The following GALNT13 variants were observed in gnomAD, a reference collection of about 807,000 sequenced individuals.
GALNT13 encodes the protein polypeptide N-acetylgalactosaminyltransferase 13, also known as UDP-GalNAc:polypeptide N-acetylgalactosaminyltransferase 13.
Under a neutral mutation model 64.2 loss-of-function variants are expected in GALNT13, and 28 were observed. The ratio of observed to expected loss-of-function variants is 0.44; its 90% CI spans 0.32 to 0.60. The LOEUF is 0.60. GALNT13 is among the 20% of genes least tolerant of loss of function. GALNT13 has a pLI of 0.05. For missense variants in GALNT13, 577 were observed against 669.8 expected (o/e 0.86, Z 1.53); for synonymous variants, 214 against 224.6 (o/e 0.95, Z 0.42).
intron 3 of GALNT13, among the ~76,000 whole-genome samples, chr2:153,988,783 T>G (rs1343442278): frequency 6.6e-6 from 1 of 151,986 alleles, no homozygotes; most frequent in East Asian, 1.9e-4. Context: ...AAGTGACATA[T>G]TTTTAAGTCT....
At chr2:153,160,365 A>G in the GALNT13 span, among the ~76,000 whole-genome samples, 22,300 of 152,240 alleles carry the variant, frequency 0.15, 1,716 homozygotes, top group African/African-American at 0.16. Flanking sequence ...ACTCTATTTC[A>G]TGTGAAAATT....
At chr2:153,285,992 G>A in the GALNT13 span, among the ~76,000 whole-genome samples, 17 of 152,172 alleles carry the variant, frequency 1.1e-4, no homozygotes, top group South Asian at 2.5e-3. Flanking sequence ...GTTGCAAATG[G>A]TAGGATGTTT....
chr2:153,909,841 T>C (rs1688822092), intron 2 of GALNT13, among the ~76,000 whole-genome samples: 1 of 152,190 alleles, frequency 6.6e-6, no homozygotes, highest in Non-Finnish European at 1.5e-5. Flanking sequence ...TGGTATTTTG[T>C]TGAGGATTTT....
chr2:153,154,031 T>C, the GALNT13 span, among the ~76,000 whole-genome samples: 1 of 152,176 alleles, frequency 6.6e-6, no homozygotes, highest in Admixed American at 6.6e-5. Context: ...TCCAAGAGCA[T>C]GGAATGTTTT....
the GALNT13 span, among the ~76,000 whole-genome samples, chr2:153,349,708 G>A: frequency 6.6e-6 from 1 of 152,006 alleles, no homozygotes; most frequent in African/African-American, 2.4e-5. Flanking sequence ...AGTTTTACCT[G>A]CCACAATGCT....
At chr2:153,342,152 A>T in the GALNT13 span, among the ~76,000 whole-genome samples, 1 of 152,224 alleles carries the variant, frequency 6.6e-6, no homozygotes, top group Non-Finnish European at 1.5e-5. Flanking sequence ...GAGCAGACAC[A>T]GTGAAGCTTT....
At chr2:153,619,495 C>T in the GALNT13 span, among the ~76,000 whole-genome samples, 2 of 152,026 alleles carry the variant, frequency 1.3e-5, no homozygotes, top group Non-Finnish European at 2.9e-5. Context: ...TGTGTATTTA[C>T]TATTACCAGT....
the GALNT13 span, among the ~76,000 whole-genome samples, chr2:153,556,954 T>G: frequency 2.6e-5 from 4 of 152,162 alleles, no homozygotes; most frequent in African/African-American, 9.7e-5. Context: ...CAATAAGATA[T>G]CCTAAATTCA....
At chr2:154,332,857 A>G (rs887496584) in intron 9 of GALNT13, among the ~76,000 whole-genome samples, 1 of 152,160 alleles carries the variant, frequency 6.6e-6, no homozygotes, top group Non-Finnish European at 1.5e-5. Context: ...CTATCTTCTC[A>G]TGTACATATT....
At chr2:153,296,917 T>C in the GALNT13 span, among the ~76,000 whole-genome samples, 2 of 152,238 alleles carry the variant, frequency 1.3e-5, no homozygotes, top group African/African-American at 4.8e-5. Flanking sequence ...ATGTTTCCCA[T>C]AGGATCACAT....
At chr2:154,150,566 T>C (rs972632529) in intron 4 of GALNT13, among the ~76,000 whole-genome samples, 9 of 152,098 alleles carry the variant, frequency 5.9e-5, no homozygotes, top group Non-Finnish European at 1.2e-4. Context: ...TCCTGGACTC[T>C]TTTTGGTTGG....
chr2:153,838,036 T>C, the GALNT13 span, among the ~76,000 whole-genome samples: 1 of 152,122 alleles, frequency 6.6e-6, no homozygotes, highest in South Asian at 2.1e-4. Context: ...CCTTTTCATA[T>C]ACATGTTGGA....
chr2:153,137,766 C>T, the GALNT13 span, among the ~76,000 whole-genome samples: 2 of 150,870 alleles, frequency 1.3e-5, no homozygotes, highest in Non-Finnish European at 3.0e-5. Flanking sequence ...ACCTACTTGT[C>T]TTTTTCTAGG....
At chr2:154,184,793 AT>A (rs564115683) in intron 4 of GALNT13, among the ~76,000 whole-genome samples, 13 of 152,082 alleles carry the variant, frequency 8.5e-5, no homozygotes, top group Non-Finnish European at 1.9e-4. Context: ...AAACCTTTAC[AT>A]TTTTTCATAT....
chr2:153,520,458 A>G, the GALNT13 span, among the ~76,000 whole-genome samples: 4 of 152,316 alleles, frequency 2.6e-5, no homozygotes, highest in South Asian at 2.1e-4. Flanking sequence ...TGTTGGCTTC[A>G]TTGAGAATCT....
the GALNT13 span, among the ~76,000 whole-genome samples, chr2:153,864,209 C>T: frequency 6.6e-6 from 1 of 152,134 alleles, no homozygotes; most frequent in Admixed American, 6.6e-5. Flanking sequence ...TGATTTGTTG[C>T]TCTCCGTGGT....
the GALNT13 span, among the ~76,000 whole-genome samples, chr2:153,635,532 G>A: frequency 6.6e-6 from 1 of 151,370 alleles, no homozygotes; most frequent in Non-Finnish European, 1.5e-5. Context: ...ATGACTGTAA[G>A]AAATTTTGTG....
At chr2:153,732,636 C>T in the GALNT13 span, among the ~76,000 whole-genome samples, 1 of 151,948 alleles carries the variant, frequency 6.6e-6, no homozygotes, top group Admixed American at 6.6e-5. Flanking sequence ...CATATAATTT[C>T]AAGTATAAAC....
At chr2:154,063,862 G>A (rs1700320749) in intron 3 of GALNT13, among the ~76,000 whole-genome samples, 1 of 152,022 alleles carries the variant, frequency 6.6e-6, no homozygotes, top group Admixed American at 6.6e-5. Flanking sequence ...CCTTCCTGCA[G>A]GGACACCAAA....
Sources: allele counts gnomAD v4.1 joint callset (sites outside exome capture counted in the v4.1 genomes callset), GRCh38; gene constraint gnomAD v4.1.1; transcripts MANE v1.5; gene names NCBI Gene and HGNC (gene_info 2026-07-23, HGNC 2026-07-21).